Variants in NCF2 observed in about 807,000 individuals in gnomAD.
NCF2 encodes the protein neutrophil cytosolic factor 2, also known as neutrophil cytosol factor 2.
NCF2 carries 45 observed loss-of-function variants against 70.9 expected under a neutral mutation model. That is an observed-to-expected ratio of 0.63 (90% CI 0.50 to 0.81). NCF2 has a LOEUF of 0.81. Among genes scored for constraint, NCF2 ranks in the 40% least tolerant of loss-of-function variants. NCF2 has a pLI of 0.00. For missense variants in NCF2, 522 were observed against 631.6 expected (o/e 0.83, Z 1.86); for synonymous variants, 203 against 233.6 (o/e 0.87, Z 1.19).
chr1:183,560,026 T>G lies in NCF2; in HGVS notation c.1468+70A>C, dbSNP rs1572146827. 2.0e-6 allele frequency: 3 copies of G among 1,497,410 alleles called. No homozygotes were observed. In the East Asian group the frequency reaches 6.8e-5, roughly 34 times the overall value. 92.8% of individuals were successfully genotyped at this position (1,497,410 alleles called of 1,614,324 possible). ...TTGTTTGTAGATTATTGATATTTTCTTCTCTCTGCCCTTGACCTTGTTTCT... is the reference window on the plus strand; with the variant it reads ...TTGTTTGTAGATTATTGATATTTTCGTCTCTCTGCCCTTGACCTTGTTTCT... On this transcript the variant is annotated intron_variant, in intron 14 of 14. Coordinates refer to ENST00000367535, the MANE Select transcript of NCF2 (RefSeq NM_000433.4).
the NCF2 span, among the ~76,000 whole-genome samples, chr1:183,601,121 T>G: frequency 1.3e-5 from 2 of 152,204 alleles, no homozygotes; most frequent in Admixed American, 1.3e-4. Context: ...AAACCACTTT[T>G]ATTAGTTTCT....
Position 183,587,595 on chromosome 1 carries a change from C to CAA in NCF2, c.175-620_175-619dup, listed in dbSNP as rs11287969. On this transcript the variant is annotated intron_variant, in intron 1 of 14. Transcript: ENST00000367535. ...GGCAACAAAGTAAGGCACCCTGTCT[C>CAA]AAAAAAAAAAAAAAAAAAAAAAAAA... 2.3e-3 allele frequency among the ~76,000 whole-genome samples: 97 copies of CAA among 41,890 alleles called. 5 individuals are homozygous for CAA. The highest frequency in any genetic ancestry group is 3.0e-3 in the African/African-American group (36 of 11,830). 27.5% of individuals were successfully genotyped at this position (41,890 alleles called of 152,430 possible). A position where few individuals can be genotyped will look rare whatever the true frequency, so the allele number is the denominator to read the frequency against.
At chr1:183,573,116 T>C in intron 5 of NCF2, 69 bp downstream of exon 5, 2 of 1,391,562 alleles carry the variant, frequency 1.4e-6, no homozygotes, top group Non-Finnish European at 2.0e-6. Flanking sequence ...TTCTCAAGAG[T>C]CCCTCCCACC....
At chr1:183,570,941 T>C in intron 5 of NCF2, 102 bp from the exon 6 acceptor site, 1 of 1,165,500 alleles carries the variant, frequency 8.6e-7, no homozygotes, top group Non-Finnish European at 1.3e-6. Flanking sequence ...TACGTGAGCC[T>C]GGTTTCAGAC....
chr1:183,569,117 A>C (rs1322098098), intron 7 of NCF2, 25 bp downstream of exon 7: 2 of 1,608,482 alleles, frequency 1.2e-6, no homozygotes, highest in Non-Finnish European at 1.7e-6. Flanking sequence ...TGGATATTCT[A>C]TTTATGGATT....
chr1:183,558,706 A>T lies in NCF2; in HGVS notation c.1468+1390T>A, dbSNP rs552084204. ...CAGCCTCCCTAGCAGCTGGGACTAC[A>T]GATGTGCATCACCACGCCCAGCTAA... On this transcript the variant is annotated intron_variant, in intron 14 of 14. Transcript: ENST00000367535. Among the ~76,000 whole-genome samples, 27 of 152,188 alleles carry T rather than the reference A, an allele frequency of 1.8e-4. 2 individuals carry two copies. The South Asian group carries it at 5.6e-3, about 32-fold the overall frequency.
chr1:183,590,344 T>A lies in NCF2; in HGVS notation c.-15A>T. 2 of 1,613,880 alleles carry A rather than the reference T, an allele frequency of 1.2e-6. No homozygotes were observed. Among genetic ancestry groups the A allele is most frequent in the African/African-American group, 2.7e-5 (2 of 74,948 alleles). Reference sequence around the variant, plus strand: ...ACCAGGGACATGATTAGGTAGAAACTAGGAGGCCAAGAGAGCTGCCAGGAG... The same window carrying A: ...ACCAGGGACATGATTAGGTAGAAACAAGGAGGCCAAGAGAGCTGCCAGGAG... On this transcript the variant is annotated 5_prime_UTR_variant, in exon 1 of 15. Transcript: ENST00000367535.
chr1:183,568,921 A>C (rs1672424750), intron 7 of NCF2, among the ~76,000 whole-genome samples: 1 of 151,840 alleles, frequency 6.6e-6, no homozygotes, highest in African/African-American at 2.4e-5. Flanking sequence ...CACAGTCAAG[A>C]CTCCCATCCC....
intron 5 of NCF2, among the ~76,000 whole-genome samples, chr1:183,571,676 A>G (rs947090505): frequency 1.3e-5 from 2 of 152,224 alleles, no homozygotes; most frequent in Non-Finnish European, 1.5e-5. Context: ...TGCTTAAACT[A>G]TAGATAATTT....
intron 6 of NCF2, 134 bp downstream of exon 6, chr1:183,570,646 C>T: frequency 1.2e-6 from 1 of 867,948 alleles, no homozygotes; most frequent in Middle Eastern, 2.2e-4. Flanking sequence ...GCAGGCAGAT[C>T]CCTCAGCTGC....
chr1:183,561,686 G>T (rs1389889225), intron 13 of NCF2, among the ~76,000 whole-genome samples: 1 of 146,902 alleles, frequency 6.8e-6, no homozygotes, highest in Non-Finnish European at 1.5e-5. Context: ...CACCATGTTG[G>T]CCAGGCTGGT....
At chr1:183,567,374 C>T (rs1398380114) in intron 7 of NCF2, 29 bp from the exon 8 acceptor site, 1 of 1,613,262 alleles carries the variant, frequency 6.2e-7, no homozygotes, top group Non-Finnish European at 8.5e-7. Flanking sequence ...AGATCCAGCC[C>T]CCATCCCCTC....
intron 4 of NCF2, among the ~76,000 whole-genome samples, chr1:183,573,622 G>C (rs1407961681): frequency 6.6e-6 from 1 of 152,200 alleles, no homozygotes; most frequent in Non-Finnish European, 1.5e-5. Context: ...GCTGGCCCGG[G>C]ATCAAGCAAG....
chr1:183,570,952 G>A (rs1289986877), intron 5 of NCF2, 113 bp from the exon 6 acceptor site: 12 of 1,005,100 alleles, frequency 1.2e-5, no homozygotes, highest in East Asian at 7.4e-5. Flanking sequence ...GGTTTCAGAC[G>A]TGGACAGTAA....
intron 9 of NCF2, among the ~76,000 whole-genome samples, chr1:183,566,580 A>G (rs921239138): frequency 3.9e-5 from 6 of 152,116 alleles, no homozygotes; most frequent in Admixed American, 1.3e-4. Flanking sequence ...CAGCCAACAC[A>G]TTGACTACTC....
At chr1:183,563,934 C>T (rs2102883908) in intron 11 of NCF2, 71 bp downstream of exon 11, 9 of 1,497,312 alleles carry the variant, frequency 6.0e-6, no homozygotes, top group South Asian at 1.1e-5. Flanking sequence ...TCCAGACAGA[C>T]ATGTCTGTGG....
chr1:183,574,674 G>T (rs1280817300), intron 3 of NCF2, 53 bp from the exon 4 acceptor site: 2 of 1,603,288 alleles, frequency 1.2e-6, no homozygotes, highest in Non-Finnish European at 1.7e-6. Flanking sequence ...AAATCAAGGT[G>T]CCAGGGAAAG....
At chr1:183,578,522 G>A (rs544214565) in intron 2 of NCF2, among the ~76,000 whole-genome samples, 3 of 152,072 alleles carry the variant, frequency 2.0e-5, no homozygotes, top group African/African-American at 4.8e-5. Context: ...GCGCCACCAC[G>A]CCCGGCTAAT....
chr1:183,586,990 G>A lies in NCF2; in HGVS notation c.175-13C>T, dbSNP rs372630984. The A allele has an allele frequency of 1.1e-4, 168 of 1,594,728 alleles. 1 individual carries two copies. The African/African-American group carries it at 1.9e-3, about 18-fold the overall frequency. On this transcript the variant is annotated splice_polypyrimidine_tract_variant and intron_variant, in intron 1 of 14. Coordinates refer to ENST00000367535, the MANE Select transcript of NCF2 (RefSeq NM_000433.4). ...TTCTGGTAAAGGCCTGAGGAGAGAAGGGTCCAGACATGGCCATGATGCAAG... is the reference window on the plus strand; with the variant it reads ...TTCTGGTAAAGGCCTGAGGAGAGAAAGGTCCAGACATGGCCATGATGCAAG...
Sources: allele counts gnomAD v4.1 joint callset (sites outside exome capture counted in the v4.1 genomes callset), GRCh38; gene constraint gnomAD v4.1.1; transcripts MANE v1.5; gene names NCBI Gene and HGNC (gene_info 2026-07-23, HGNC 2026-07-21).